Variants in INPP5D observed in about 807,000 individuals in gnomAD.
INPP5D encodes inositol polyphosphate-5-phosphatase D.
INPP5D carries 33 observed loss-of-function variants against 122.9 expected under a neutral mutation model. The ratio of observed to expected loss-of-function variants is 0.27; its 90% confidence interval spans 0.20 to 0.36. The LOEUF is 0.36. Among genes scored for constraint, INPP5D ranks in the 10% least tolerant of loss-of-function variants. INPP5D has a pLI of 1.00. For synonymous variants in INPP5D, 584 were observed against 576.2 expected (o/e 1.01, Z -0.19); for missense variants, 1,053 against 1,412.7 (o/e 0.75, Z 4.08).
At chr2:233,125,589 G>A (rs1693132252) in intron 3 of INPP5D, among the ~76,000 whole-genome samples, 156 bp from the exon 4 acceptor site, 1 of 152,214 alleles carries the variant, frequency 6.6e-6, no homozygotes, top group South Asian at 2.1e-4. Flanking sequence ...CCTGTGGCAG[G>A]AGGCTCTCCC....
chr2:233,187,761 C>T (rs1399747546), intron 21 of INPP5D, among the ~76,000 whole-genome samples: 1 of 152,162 alleles, frequency 6.6e-6, no homozygotes, highest in East Asian at 1.9e-4. Flanking sequence ...GCCCCTGAGT[C>T]GTGGGGGCTC....
chr2:233,190,316 G>C (rs1695019891), intron 22 of INPP5D, among the ~76,000 whole-genome samples: 1 of 152,154 alleles, frequency 6.6e-6, no homozygotes, highest in African/African-American at 2.4e-5. Flanking sequence ...GCCCTAGTTT[G>C]AACCCAGGCC....
intron 13 of INPP5D, among the ~76,000 whole-genome samples, chr2:233,165,295 A>G (rs1574778700): frequency 6.6e-6 from 1 of 151,966 alleles, no homozygotes; most frequent in South Asian, 2.1e-4. Flanking sequence ...GAGTGTGTCT[A>G]TGTGAGTCTA....
chr2:233,186,011 C>A (rs1035905572), intron 21 of INPP5D, 86 bp downstream of exon 21: 92 of 1,377,524 alleles, frequency 6.7e-5, no homozygotes, highest in Non-Finnish European at 8.0e-5. Context: ...TATGGCCAGG[C>A]CTGACCAGAG....
intron 1 of INPP5D, among the ~76,000 whole-genome samples, chr2:233,068,652 T>C (rs1691295005): frequency 1.3e-5 from 2 of 151,990 alleles, no homozygotes; most frequent in African/African-American, 4.8e-5. Flanking sequence ...TAGTGACATC[T>C]CAGAAGCAGA....
chr2:233,111,398 G>A (rs1692625169), intron 2 of INPP5D, among the ~76,000 whole-genome samples: 1 of 152,086 alleles, frequency 6.6e-6, no homozygotes, highest in South Asian at 2.1e-4. Flanking sequence ...CCCCTTCTGG[G>A]CTGAGGCTCA....
chr2:233,185,794 C>A, intron 20 of INPP5D, 49 bp from the exon 21 acceptor site: 1 of 1,513,006 alleles, frequency 6.6e-7, no homozygotes, highest in South Asian at 1.3e-5. Flanking sequence ...TCTTTTCTGT[C>A]TGGTTCTTGC....
chr2:233,143,247 TC>T (rs1403225560), intron 6 of INPP5D, among the ~76,000 whole-genome samples: 54 of 152,252 alleles, frequency 3.5e-4, no homozygotes, highest in African/African-American at 1.3e-3. Context: ...TAATACTTTT[TC>T]TTTCAAGCAC....
chr2:233,102,030 C>T (rs1023441123), intron 2 of INPP5D, among the ~76,000 whole-genome samples: 1 of 151,956 alleles, frequency 6.6e-6, no homozygotes, highest in African/African-American at 2.4e-5. Flanking sequence ...AGCCACGCCC[C>T]GGGCTCTGTT....
chr2:233,148,098 C>T (rs36157180), intron 9 of INPP5D, among the ~76,000 whole-genome samples: 77,767 of 152,198 alleles, frequency 0.51, 20,593 homozygotes, highest in East Asian at 0.66. Context: ...ATTCTGAGAA[C>T]CATCAAATCA....
At chr2:233,133,296 G>A (rs1574754133) in intron 5 of INPP5D, among the ~76,000 whole-genome samples, 1 of 152,142 alleles carries the variant, frequency 6.6e-6, no homozygotes, top group South Asian at 2.1e-4. Flanking sequence ...AGAGACATTG[G>A]GTGGGAGAGT....
At chr2:233,181,287 G>A (rs916389387) in intron 18 of INPP5D, among the ~76,000 whole-genome samples, 4 of 152,154 alleles carry the variant, frequency 2.6e-5, no homozygotes, top group African/African-American at 9.7e-5. Flanking sequence ...AGGGTGGAGT[G>A]TTTATCTTTT....
Position 233,188,206 on chromosome 2 carries a change from C to T in INPP5D, c.2359-1644C>T, listed in dbSNP as rs1338967891. 6.6e-6 allele frequency among the ~76,000 whole-genome samples: 1 copy of T among 152,076 alleles called. No homozygotes were observed. The highest frequency in any genetic ancestry group is 1.5e-5 in the Non-Finnish European group (1 of 67,978). On this transcript the variant is annotated intron_variant, in intron 21 of 26. Coordinates refer to ENST00000445964, the MANE Select transcript of INPP5D (RefSeq NM_001017915.3). The surrounding 1 kb of genome is among the most constrained non-coding windows in gnomAD (Gnocchi z 4.7). The stretch of plus-strand genomic sequence containing the variant: ...AGCCTCATCTGCTGTTCCCACAGGA[C>T]TGCAGGGGCCTTCACCGTCTCCTGC...
intron 18 of INPP5D, among the ~76,000 whole-genome samples, chr2:233,178,225 A>C (rs1053251241): frequency 1.3e-5 from 2 of 152,168 alleles, no homozygotes; most frequent in Admixed American, 6.5e-5. Context: ...TGAGCCCAGT[A>C]GTTCAAAACC....
rs1459728405 is a variant in INPP5D, at chr2:233,189,859, A to C, written c.2368A>C (p.Ile790Leu). ...FGETLPKLKP[I>L]ISDPEYLLDQ... The stretch of plus-strand genomic sequence containing the variant: ...GCCCTTCTCTCTGCAGCTGAAGCCC[A>C]TTATCTCTGACCCTGAGTACCTGCT... Residue 790 changes from isoleucine (I) to leucine (L), a missense_variant, in exon 22 of 27, where the codon ATT becomes CTT. Coordinates refer to ENST00000445964, the MANE Select transcript of INPP5D (RefSeq NM_001017915.3). This position sits in a 1 kb window ranked among gnomAD's most constrained non-coding sequence, Gnocchi z 5.6. 6.2e-7 allele frequency: 1 copy of C among 1,613,158 alleles called. No individual in the cohort carries two copies. Among genetic ancestry groups the C allele is most frequent in the African/African-American group, 1.3e-5 (1 of 74,856 alleles).
At chr2:233,159,300 C>T (rs988855645) in intron 10 of INPP5D, among the ~76,000 whole-genome samples, 11 of 152,310 alleles carry the variant, frequency 7.2e-5, no homozygotes, top group African/African-American at 2.6e-4. Context: ...AACCTATCAT[C>T]GTGAACCTCA....
In INPP5D at chr2:233,137,832, CAAAAAA is replaced by C. The variant is rs746005379; in HGVS notation, c.666-1993_666-1988del. ...GGGCAACAAGAGCGAAACTCCATCA[CAAAAAA>C]AAAAAAAAAAAAAAAATATATATAT... On this transcript the variant is annotated intron_variant, in intron 5 of 26. Transcript: ENST00000445964. Among the ~76,000 whole-genome samples the C allele has an allele frequency of 4.6e-3, 47 of 10,144 alleles. 1 individual carries two copies. The highest frequency in any genetic ancestry group is 6.1e-3 in the African/African-American group (23 of 3,760). The allele number at this position is 10,144 out of a possible 152,430, so 6.7% of individuals were successfully genotyped here. A position where few individuals can be genotyped will look rare whatever the true frequency, so the allele number is the denominator to read the frequency against.
At chr2:233,141,762 A>C (rs1187543064) in intron 6 of INPP5D, among the ~76,000 whole-genome samples, 1 of 152,182 alleles carries the variant, frequency 6.6e-6, no homozygotes, top group Non-Finnish European at 1.5e-5. Context: ...CCACGAGGAA[A>C]TCAGATGGGA....
chr2:233,169,613 A>C (rs749085805), intron 14 of INPP5D: 4 of 725,198 alleles, frequency 5.5e-6, no homozygotes, highest in Non-Finnish European at 8.7e-6. Flanking sequence ...AGGTCAGAAA[A>C]GATATTTCCT....
Sources: gnomAD v4.1 joint callset for allele counts (sites outside exome capture counted in the v4.1 genomes callset) on GRCh38, gnomAD v4.1.1 for gene constraint, Gnocchi (gnomAD v3.1) non-coding constraint, MANE v1.5 for transcripts, NCBI Gene and HGNC (gene_info 2026-07-23, HGNC 2026-07-21) for gene names.